EXOC3L4: variants seen among roughly 807,000 people sequenced by gnomAD.
EXOC3L4 encodes the protein exocyst complex component 3-like protein 4.
Under a neutral mutation model 69.7 loss-of-function variants are expected in EXOC3L4, and 62 were observed. The observed-to-expected ratio is 0.89, with a 90% CI of 0.72 to 1.10. EXOC3L4 has a LOEUF of 1.10. Among genes scored for constraint, EXOC3L4 ranks in the 50% least tolerant of loss-of-function variants. The pLI is 0.00. For missense variants in EXOC3L4, 1,087 were observed against 1,034.8 expected (o/e 1.05, Z -0.69); for synonymous variants, 502 against 464.2 (o/e 1.08, Z -1.05).
Position 103,104,887 on chromosome 14 carries a change from C to T in EXOC3L4, c.1385+49C>T. 4 of 1,542,130 alleles carry T rather than the reference C, an allele frequency of 2.6e-6. No homozygotes were observed. In the East Asian group the frequency reaches 9.3e-5, roughly 36 times the overall value. On this transcript the variant is annotated intron_variant, in intron 6 of 11. Coordinates refer to ENST00000688303, the MANE Select transcript of EXOC3L4 (RefSeq NM_001077594.2). ...GAGCGACCTGGCCGGGTGCGCTCTG[C>T]AGGTGGGAGGGAGGAGTCTGCGTAG...
chr14:103,108,878 G>C (rs1231147244), intron 11 of EXOC3L4, among the ~76,000 whole-genome samples: 2 of 152,070 alleles, frequency 1.3e-5, no homozygotes, highest in Non-Finnish European at 2.9e-5. Flanking sequence ...TGGGGGGTCG[G>C]TGAGTCATCC....
intron 2 of EXOC3L4, among the ~76,000 whole-genome samples, chr14:103,101,069 A>ATT (rs139660483): frequency 6.1e-5 from 9 of 147,670 alleles, no homozygotes; most frequent in East Asian, 6.0e-4. Context: ...CACCTGGTTA[A>ATT]TTTTTTTTTT....
chr14:103,095,076 GCA>G (rs1889830768), intron 1 of EXOC3L4, among the ~76,000 whole-genome samples: 2 of 152,332 alleles, frequency 1.3e-5, no homozygotes, highest in South Asian at 4.1e-4. Context: ...GGGCATGCAG[GCA>G]CAGACACAGA....
chr14:103,102,758 C>G lies in EXOC3L4; in HGVS notation c.1035C>G (p.Ala345=). 7.3e-7 allele frequency: 1 copy of G among 1,364,956 alleles called. No individual in the cohort carries two copies. Among genetic ancestry groups the G allele is most frequent in the Non-Finnish European group, 9.4e-7 (1 of 1,060,612 alleles). 84.6% of individuals were successfully genotyped at this position (1,364,956 alleles called of 1,614,324 possible). Residue 345 remains alanine, a synonymous_variant, in exon 3 of 12, where the codon GCC becomes GCG. Coordinates refer to ENST00000688303, the MANE Select transcript of EXOC3L4 (RefSeq NM_001077594.2). ...TCTATATCCTGCTGGACTGGGCCGC[C>G]AACGTCTACGGCAGGTGAGTCTCGG... ...EQLYILLDWA[A]NVYGSPDFLG...
intron 7 of EXOC3L4, among the ~76,000 whole-genome samples, chr14:103,106,446 T>C (rs951630416): frequency 4.6e-5 from 7 of 152,138 alleles, no homozygotes; most frequent in Admixed American, 2.6e-4. Flanking sequence ...AACAGTGAAA[T>C]AGGGACATGG....
intron 9 of EXOC3L4, 23 bp from the exon 10 acceptor site, chr14:103,107,608 G>A: frequency 1.2e-6 from 2 of 1,603,492 alleles, no homozygotes; most frequent in Non-Finnish European, 1.7e-6. Flanking sequence ...CCCTGACCCT[G>A]ACCCTGACCC....
rs1053087300 is a variant in EXOC3L4, at chr14:103,110,316, C to T, written c.*93C>T. 2.8e-6 allele frequency: 4 copies of T among 1,403,860 alleles called. No individual in the cohort carries two copies. Among genetic ancestry groups the T allele is most frequent in the Non-Finnish European group, 2.9e-6 (3 of 1,030,224 alleles). The allele number at this position is 1,403,860 out of a possible 1,614,324, so 87.0% of individuals were successfully genotyped here. ...CCCAGGGAGTCACTCTGGGCCCTGC[C>T]CCCAACTCTGACACTGCAGTTAGGG... is the stretch of plus-strand genomic sequence containing the variant. On this transcript the variant is annotated 3_prime_UTR_variant, in exon 12 of 12. Transcript: ENST00000688303.
chr14:103,105,583 C>G (rs1890500236), intron 7 of EXOC3L4, among the ~76,000 whole-genome samples: 1 of 152,036 alleles, frequency 6.6e-6, no homozygotes, highest in African/African-American at 2.4e-5. Context: ...CCATTTTTCC[C>G]TCCCTTCATC....
intron 4 of EXOC3L4, 55 bp downstream of exon 4, chr14:103,104,107 G>C: frequency 2.0e-6 from 3 of 1,463,982 alleles, no homozygotes; most frequent in Non-Finnish European, 2.7e-6. Context: ...CGGGCCCTGG[G>C]GGGATGTGCG....
chr14:103,110,252 G>C lies in EXOC3L4; in HGVS notation c.*29G>C. 1 of 1,494,830 alleles carries C rather than the reference G, an allele frequency of 6.7e-7. No individual in the cohort carries two copies. The highest frequency in any genetic ancestry group is 8.9e-7 in the Non-Finnish European group (1 of 1,122,722). 92.6% of individuals were successfully genotyped at this position (1,494,830 alleles called of 1,614,324 possible). On this transcript the variant is annotated 3_prime_UTR_variant, in exon 12 of 12. Transcript: ENST00000688303. ...TCTCTGGCTCGAGGGGGGGCCGGCC[G>C]CTGGCAGGGAGCTGTGGTCAGTGGG...
At chr14:103,094,256 C>T (rs1019090020), upstream of EXOC3L4, among the ~76,000 whole-genome samples, 1 of 152,158 alleles carries the variant, frequency 6.6e-6, no homozygotes, top group African/African-American at 2.4e-5. Context: ...ATGTGGCTCT[C>T]AACTGCTGCC....
chr14:103,095,298 G>C (rs1268785778), intron 1 of EXOC3L4, among the ~76,000 whole-genome samples: 3 of 152,256 alleles, frequency 2.0e-5, no homozygotes, highest in Non-Finnish European at 4.4e-5. Flanking sequence ...GCTGAGTCAG[G>C]CTCACTCCCT....
chr14:103,102,869 C>T (rs1230000009), intron 3 of EXOC3L4, 97 bp downstream of exon 3: 2 of 1,185,430 alleles, frequency 1.7e-6, no homozygotes, highest in East Asian at 6.4e-5. Flanking sequence ...CCTTTCTTCT[C>T]TGTTCCCTCC....
At chr14:103,099,550 C>A (rs972728458) in intron 1 of EXOC3L4, among the ~76,000 whole-genome samples, 1 of 152,252 alleles carries the variant, frequency 6.6e-6, no homozygotes, top group Non-Finnish European at 1.5e-5. Flanking sequence ...CCTTCTGCCG[C>A]CCCTGTGGCT....
In EXOC3L4 at chr14:103,096,401, CT is replaced by C. The variant is rs56362121; in HGVS notation, c.-17+1572del. Among the ~76,000 whole-genome samples, 56 of 131,768 alleles carry C rather than the reference CT, an allele frequency of 4.2e-4. 1 individual carries two copies. Among genetic ancestry groups the C allele is most frequent in the Non-Finnish European group, 4.3e-4 (27 of 62,972 alleles). The allele number at this position is 131,768 out of a possible 152,430, so 86.4% of individuals were successfully genotyped here. A position where few individuals can be genotyped will look rare whatever the true frequency, so the allele number is the denominator to read the frequency against. ...AGGAGGTTGACGTTTTGGCAAGATT[CT>C]TTTTTTTTTTGCAATTGTAAGATTT... On this transcript the variant is annotated intron_variant, in intron 1 of 11. Coordinates refer to ENST00000688303, the MANE Select transcript of EXOC3L4 (RefSeq NM_001077594.2).
At chr14:103,108,539 A>G (rs776126370) in intron 11 of EXOC3L4, 22 bp downstream of exon 11, 32 of 1,608,910 alleles carry the variant, frequency 2.0e-5, no homozygotes, top group Non-Finnish European at 2.7e-5. Context: ...ACCTGCTTCC[A>G]CTAGCTTCCT....
chr14:103,110,291 C>A lies in EXOC3L4; in HGVS notation c.*68C>A. On this transcript the variant is annotated 3_prime_UTR_variant, in exon 12 of 12. Transcript: ENST00000688303. ...GTGGTCAGTGGGGGTCAGCCAGGAG[C>A]CCAGGGAGTCACTCTGGGCCCTGCC... is the stretch of plus-strand genomic sequence containing the variant. 1.4e-6 allele frequency: 2 copies of A among 1,478,452 alleles called. No homozygotes were observed. Among genetic ancestry groups the A allele is most frequent in the Non-Finnish European group, 1.8e-6 (2 of 1,104,784 alleles). 91.6% of individuals were successfully genotyped at this position (1,478,452 alleles called of 1,614,324 possible).
At position 103,107,741 on chromosome 14, in the gene EXOC3L4, G is replaced by A. The variant is rs753412096; in HGVS notation, c.1812G>A (p.Met604Ile). 1.4e-5 allele frequency: 22 copies of A among 1,545,908 alleles called. No homozygotes were observed. The highest frequency in any genetic ancestry group is 7.9e-5 in the Admixed American group (4 of 50,670). Residue 604 changes from methionine (M) to isoleucine (I), a missense_variant, in exon 10 of 12, where the codon ATG (methionine) becomes ATA (isoleucine). Met to Ile is a conservative substitution (Grantham distance 10). Transcript: ENST00000688303. Reference protein sequence around the residue: ...GMERMHGSQKMSLDAQAISDT... With the variant: ...GMERMHGSQKISLDAQAISDT... The stretch of plus-strand genomic sequence containing the variant: ...AGCGCATGCATGGCTCCCAGAAGAT[G>A]AGCCTGGATGCCCAGGCCATCAGCG...
At chr14:103,096,204 A>T (rs754617425) in intron 1 of EXOC3L4, among the ~76,000 whole-genome samples, 1 of 152,068 alleles carries the variant, frequency 6.6e-6, no homozygotes, top group Non-Finnish European at 1.5e-5. Context: ...AAATATAAAA[A>T]TTAGCCAGGC....
Sources: gnomAD v4.1 joint callset for allele counts (sites outside exome capture counted in the v4.1 genomes callset) on GRCh38, gnomAD v4.1.1 for gene constraint, MANE v1.5 for transcripts, NCBI Gene and HGNC (gene_info 2026-07-23, HGNC 2026-07-21) for gene names.